The following PLXDC1 variants were observed in gnomAD, a reference collection of about 807,000 sequenced individuals.
The protein encoded by PLXDC1 is plexin domain containing 1, also known as plexin domain-containing protein 1.
In PLXDC1, 39 loss-of-function variants were observed where a neutral mutation model predicts 61.3. That is an observed-to-expected ratio of 0.64 (90% CI 0.49 to 0.83). The LOEUF (loss-of-function observed/expected upper bound fraction) is 0.83. Among genes scored for constraint, PLXDC1 ranks in the 40% least tolerant of loss-of-function variants. The pLI, the probability that PLXDC1 is intolerant of heterozygous loss-of-function variation, is 0.00. For synonymous variants in PLXDC1, 212 were observed against 254.5 expected (o/e 0.83, Z 1.59); for missense variants, 596 against 666.5 (o/e 0.89, Z 1.17).
intron 2 of PLXDC1, among the ~76,000 whole-genome samples, chr17:39,128,001 A>G (rs546406424): frequency 1.9e-4 from 28 of 144,044 alleles, no homozygotes; most frequent in Non-Finnish European, 3.8e-4. Context: ...GGGAAATGCA[A>G]ATCAAAACTA....
rs376740692 is a variant in PLXDC1, at chr17:39,128,067, GTCTCTC to G, written c.255+11581_255+11586del. 5.7e-4 allele frequency among the ~76,000 whole-genome samples: 45 copies of G among 78,524 alleles called. 5 individuals are homozygous for G. The highest frequency in any genetic ancestry group is 2.5e-3 in the South Asian group (6 of 2,432). The allele number at this position is 78,524 out of a possible 152,430, so 51.5% of individuals were successfully genotyped here. The stretch of plus-strand genomic sequence containing the variant: ...CAGCTCTCTCTCTCTCTCTCTCTCT[GTCTCTC>G]TCTCTCTCTCTCTCTCTCTATGTGT... On this transcript the variant is annotated intron_variant, in intron 2 of 13. Coordinates refer to ENST00000315392, the MANE Select transcript of PLXDC1 (RefSeq NM_020405.5).
intron 2 of PLXDC1, among the ~76,000 whole-genome samples, chr17:39,124,331 G>A (rs1468888320): frequency 6.6e-6 from 1 of 152,234 alleles, no homozygotes; most frequent in Non-Finnish European, 1.5e-5. Context: ...TGTGGCTCAC[G>A]CCTGTAATCC....
At chr17:39,084,452 T>A (rs8079115) in intron 8 of PLXDC1, among the ~76,000 whole-genome samples, 5,891 of 152,332 alleles carry the variant, frequency 0.039, 352 homozygotes, top group African/African-American at 0.13. Context: ...ACCTGAAATA[T>A]GTACAATAAA....
intron 7 of PLXDC1, among the ~76,000 whole-genome samples, chr17:39,098,747 C>T (rs184182195): frequency 6.6e-6 from 1 of 152,192 alleles, no homozygotes; most frequent in Non-Finnish European, 1.5e-5. Context: ...TGGTGCCAAG[C>T]AGTAAAAAAG....
In PLXDC1 at chr17:39,082,533, C is replaced by G. The variant is rs551124704; in HGVS notation, c.989+926G>C. ...TGAGCCAAGATCACACCATTGTACT[C>G]CAGCCTGGGCAACAAGAGCAAAACT... On this transcript the variant is annotated intron_variant, in intron 9 of 13. Transcript: ENST00000315392. 4.7e-5 allele frequency among the ~76,000 whole-genome samples: 7 copies of G among 149,408 alleles called. No individual in the cohort carries two copies. The Admixed American group carries it at 4.7e-4, about 10-fold the overall frequency.
At chr17:39,089,302 A>G (rs1218008989) in intron 7 of PLXDC1, among the ~76,000 whole-genome samples, 1 of 152,192 alleles carries the variant, frequency 6.6e-6, no homozygotes, top group Non-Finnish European at 1.5e-5. Context: ...AGCTGGACCA[A>G]TCAGAGACCT....
intron 2 of PLXDC1, among the ~76,000 whole-genome samples, chr17:39,133,484 T>G (rs1289868338): frequency 6.6e-6 from 1 of 152,194 alleles, no homozygotes; most frequent in Non-Finnish European, 1.5e-5. Flanking sequence ...ACCCTGTTTT[T>G]GGAGACTAGG....
intron 5 of PLXDC1, chr17:39,107,877 C>T: frequency 3.5e-6 from 2 of 579,290 alleles, no homozygotes; most frequent in Non-Finnish European, 6.2e-6. Context: ...CAATAAAGGC[C>T]CCTAACATTT....
intron 2 of PLXDC1, among the ~76,000 whole-genome samples, chr17:39,113,606 C>T (rs142849233): frequency 7.9e-5 from 12 of 152,164 alleles, no homozygotes; most frequent in Admixed American, 7.8e-4. Flanking sequence ...TTTGAGAGGA[C>T]GAGGCTGGAG....
intron 7 of PLXDC1, among the ~76,000 whole-genome samples, chr17:39,099,268 G>A (rs1317808057): frequency 6.6e-6 from 1 of 152,038 alleles, no homozygotes; most frequent in East Asian, 1.9e-4. Context: ...TGCTCTAAAG[G>A]GGCTTCTCAT....
intron 2 of PLXDC1, among the ~76,000 whole-genome samples, chr17:39,132,760 C>T (rs1321133241): frequency 6.6e-6 from 1 of 151,960 alleles, no homozygotes; most frequent in Non-Finnish European, 1.5e-5. Flanking sequence ...GGGAGGTCCG[C>T]AGCCAGGAGG....
At position 39,066,327 on chromosome 17, in the gene PLXDC1, A is replaced by G. The variant is rs1448102456; in HGVS notation, c.*1513T>C. On this transcript the variant is annotated 3_prime_UTR_variant, in exon 14 of 14. Coordinates refer to ENST00000315392, the MANE Select transcript of PLXDC1 (RefSeq NM_020405.5). ...GCTGCAGGTTGGGGTAAAGCCCTTGATGCAGGCTGTAACATGTTTTGATGC... is the reference window on the plus strand; with the variant it reads ...GCTGCAGGTTGGGGTAAAGCCCTTGGTGCAGGCTGTAACATGTTTTGATGC... The G allele has an allele frequency of 6.6e-6, 1 of 152,256 alleles. No individual in the cohort carries two copies. Among genetic ancestry groups the G allele is most frequent in the African/African-American group, 2.4e-5 (1 of 41,462 alleles). 9.4% of individuals were successfully genotyped at this position (152,256 alleles called of 1,614,324 possible).
intron 2 of PLXDC1, among the ~76,000 whole-genome samples, chr17:39,129,758 A>AG (rs59383277): frequency 6.7e-4 from 100 of 149,910 alleles, no homozygotes; most frequent in African/African-American, 2.2e-3. Flanking sequence ...AAAGCAAGAA[A>AG]GAAAGAAAGA....
intron 9 of PLXDC1, chr17:39,079,704 C>G: frequency 2.7e-6 from 1 of 375,638 alleles, no homozygotes; most frequent in South Asian, 2.0e-5. Flanking sequence ...TGGAAGACAC[C>G]AAGCGCCCCT....
intron 7 of PLXDC1, among the ~76,000 whole-genome samples, chr17:39,099,912 C>G (rs995730794): frequency 2.0e-5 from 3 of 152,072 alleles, no homozygotes; most frequent in African/African-American, 7.2e-5. Flanking sequence ...AGTCCCTGAG[C>G]GTAGACTGGA....
intron 7 of PLXDC1, 101 bp downstream of exon 7, chr17:39,105,753 C>T: frequency 1.4e-6 from 1 of 700,298 alleles, no homozygotes; most frequent in Non-Finnish European, 2.5e-6. Flanking sequence ...CTCTCTGCCC[C>T]TTGTCTACTC....
At chr17:39,129,724 G>GAAAGAAAGAAAGAAAGAAAGAAAGAAAT (rs1405697768) in intron 2 of PLXDC1, among the ~76,000 whole-genome samples, 1 of 140,212 alleles carries the variant, frequency 7.1e-6, no homozygotes, top group Non-Finnish European at 1.6e-5. Flanking sequence ...AAGAAAGAAA[G>GAAAGAAAGAAAGAAAGAAAGAAAGAAAT]AAAGAAAAGA....
chr17:39,083,281 C>T (rs1469193058), intron 9 of PLXDC1, among the ~76,000 whole-genome samples, 178 bp downstream of exon 9: 3 of 152,218 alleles, frequency 2.0e-5, no homozygotes, highest in African/African-American at 7.2e-5. Context: ...GCTGGAATCC[C>T]TAAATGGTCT....
At chr17:39,134,516 T>C (rs1292529300) in intron 2 of PLXDC1, among the ~76,000 whole-genome samples, 1 of 150,952 alleles carries the variant, frequency 6.6e-6, no homozygotes, top group Non-Finnish European at 1.5e-5. Flanking sequence ...GTCCCAGCTA[T>C]TCAGGAGGCT....
Sources: gnomAD v4.1 joint callset for allele counts (sites outside exome capture counted in the v4.1 genomes callset) on GRCh38, gnomAD v4.1.1 for gene constraint, MANE v1.5 for transcripts, NCBI Gene and HGNC (gene_info 2026-07-23, HGNC 2026-07-21) for gene names.